Variants in PFKFB4 observed in about 807,000 individuals in gnomAD.
PFKFB4 encodes the protein 6-phosphofructo-2-kinase/fructose-2,6-biphosphatase 4, also known as 6-phosphofructo-2-kinase/fructose-2,6-bisphosphatase 4.
PFKFB4 carries 42 observed loss-of-function variants against 62.8 expected under a neutral mutation model. The observed-to-expected ratio is 0.67, with a 90% CI of 0.52 to 0.86. The LOEUF (loss-of-function observed/expected upper bound fraction) is 0.86, where lower values mean the gene tolerates loss of function less well. Among genes scored for constraint, PFKFB4 ranks in the 40% least tolerant of loss-of-function variants. PFKFB4 has a pLI of 0.00. For missense variants in PFKFB4, 475 were observed against 627.2 expected (o/e 0.76, Z 2.59); for synonymous variants, 204 against 240.7 (o/e 0.85, Z 1.41).
At chr3:48,550,605 C>T (rs1318223028) in intron 1 of PFKFB4, among the ~76,000 whole-genome samples, 1 of 152,228 alleles carries the variant, frequency 6.6e-6, no homozygotes, top group Non-Finnish European at 1.5e-5. Context: ...AACACCCTGC[C>T]TCTGTCATCC....
intron 12 of PFKFB4, among the ~76,000 whole-genome samples, chr3:48,522,622 A>T (rs144192913): frequency 3.9e-5 from 6 of 152,326 alleles, no homozygotes; most frequent in African/African-American, 1.4e-4. Flanking sequence ...TGCACCCAGA[A>T]TAAAGTCCAG....
chr3:48,551,214 CTTTTTTTTTTT>C (rs773561800), intron 1 of PFKFB4, among the ~76,000 whole-genome samples: 1 of 135,090 alleles, frequency 7.4e-6, no homozygotes, highest in Non-Finnish European at 1.6e-5. Context: ...GCTCACTTTT[CTTTTTTTTTTT>C]TTTTTTTTGA....
upstream of PFKFB4, chr3:48,562,065 C>A (rs1210212294): frequency 6.6e-6 from 1 of 152,308 alleles, no homozygotes; most frequent in Admixed American, 6.5e-5. The surrounding 1 kb of genome is among the most constrained non-coding windows in gnomAD (Gnocchi z 4.3). Context: ...CCTCTCAGAC[C>A]CCTCACGTAC....
rs199574159 is a variant in PFKFB4 at position 48,534,180 on chromosome 3, G to GA, written c.987+1331dup. ...AACTATCTAAATTAAAGCTCGGAAGGAAAAAAAGACAGAGAAGAAATGAAC... is the reference window on the plus strand; with the variant it reads ...AACTATCTAAATTAAAGCTCGGAAGGAAAAAAAAGACAGAGAAGAAATGAAC... On this transcript the variant is annotated intron_variant, in intron 9 of 13. Coordinates refer to ENST00000232375, the MANE Select transcript of PFKFB4 (RefSeq NM_004567.4). 4.4e-3 allele frequency among the ~76,000 whole-genome samples: 675 copies of GA among 151,960 alleles called. 4 individuals are homozygous for GA. Among genetic ancestry groups the GA allele is most frequent in the African/African-American group, 0.015 (627 of 41,470 alleles).
chr3:48,559,565 C>A (rs1224818837), upstream of PFKFB4: 1 of 457,148 alleles, frequency 2.2e-6, no homozygotes, highest in East Asian at 6.9e-5. Flanking sequence ...CGTCTGCTCT[C>A]TCAGCATCAG....
intron 9 of PFKFB4, among the ~76,000 whole-genome samples, chr3:48,533,328 C>T (rs997284245): frequency 3.3e-5 from 5 of 152,048 alleles, no homozygotes; most frequent in East Asian, 1.9e-4. Flanking sequence ...ACTCCTGAAA[C>T]GTACACTTCA....
chr3:48,562,954 A>G (rs1460833468), upstream of PFKFB4: 1 of 1,605,396 alleles, frequency 6.2e-7, no homozygotes, highest in Non-Finnish European at 8.5e-7. This position sits in a 1 kb window ranked among gnomAD's most constrained non-coding sequence, Gnocchi z 4.3. Context: ...GGCTCTGGGC[A>G]GCCCACGGCC....
At position 48,521,596 on chromosome 3, in the gene PFKFB4, C is replaced by T. The variant is rs540425276; in HGVS notation, c.1350+390G>A. Among the ~76,000 whole-genome samples, 1 of 152,290 alleles carries T rather than the reference C, an allele frequency of 6.6e-6. No individual in the cohort carries two copies. Among genetic ancestry groups the T allele is most frequent in the African/African-American group, 2.4e-5 (1 of 41,558 alleles). The stretch of plus-strand genomic sequence containing the variant: ...GGGAGTGGGAAGAGTGCCCACCTGC[C>T]CTCAGAAGGCCAGAAGCCTCATTCT... On this transcript the variant is annotated intron_variant, in intron 13 of 13. Transcript: ENST00000232375. The surrounding 1 kb of genome is among the most constrained non-coding windows in gnomAD (Gnocchi z 5.3).
rs549201049 is a variant in PFKFB4, at chr3:48,521,244, C to T, written c.1350+742G>A. ...ATGACTGAGGCCCAAGAGCCTTCTC[C>T]GTGCAGTGGCCTCCAGGAACTGGGA... On this transcript the variant is annotated intron_variant, in intron 13 of 13. Transcript: ENST00000232375. This position sits in a 1 kb window ranked among gnomAD's most constrained non-coding sequence, Gnocchi z 5.3. Among the ~76,000 whole-genome samples, 9 of 152,298 alleles carry T rather than the reference C, an allele frequency of 5.9e-5. No individual in the cohort carries two copies. The highest frequency in any genetic ancestry group is 4.1e-4 in the South Asian group (2 of 4,828).
upstream of PFKFB4, among the ~76,000 whole-genome samples, chr3:48,557,189 C>T (rs1011483081): frequency 3.3e-5 from 5 of 152,254 alleles, no homozygotes; most frequent in Non-Finnish European, 4.4e-5. Flanking sequence ...GCGCTGCATC[C>T]CTGAGCAGCG....
Position 48,519,555 on chromosome 3 carries a change from C to T in PFKFB4, c.*192G>A, listed in dbSNP as rs930700186. 23 of 583,182 alleles carry T rather than the reference C, an allele frequency of 3.9e-5. No homozygotes were observed. The highest frequency in any genetic ancestry group is 2.8e-4 in the East Asian group (10 of 35,434). 36.1% of individuals were successfully genotyped at this position (583,182 alleles called of 1,614,324 possible). A position where few individuals can be genotyped will look rare whatever the true frequency, so the allele number is the denominator to read the frequency against. On this transcript the variant is annotated 3_prime_UTR_variant, in exon 14 of 14. Transcript: ENST00000232375. ...ACTCTTAGCAGCAGGTCAGGAGCCA[C>T]GCACAACCTTGTCGCCGACTGTCAA...
Position 48,521,930 on chromosome 3 carries a change from C to T in PFKFB4, c.1350+56G>A. 2.1e-6 allele frequency: 3 copies of T among 1,435,508 alleles called. No individual in the cohort carries two copies. In the Admixed American group the frequency reaches 5.0e-5, roughly 24 times the overall value. The allele number at this position is 1,435,508 out of a possible 1,614,324, so 88.9% of individuals were successfully genotyped here. On this transcript the variant is annotated intron_variant, in intron 13 of 13. Transcript: ENST00000232375. This position sits in a 1 kb window ranked among gnomAD's most constrained non-coding sequence, Gnocchi z 5.3. The stretch of plus-strand genomic sequence containing the variant: ...GGCCTGGCCCTGGAGGATGTGCAGT[C>T]TGGACACCCCCACATCAGGAACACC...
chr3:48,536,160 G>T, intron 8 of PFKFB4, 96 bp downstream of exon 8: 6 of 1,007,224 alleles, frequency 6.0e-6, no homozygotes, highest in East Asian at 2.4e-5. Flanking sequence ...TTAAAAGAAT[G>T]GGAGCCTAGC....
upstream of PFKFB4, chr3:48,559,839 A>C: frequency 6.2e-6 from 2 of 323,152 alleles, no homozygotes; most frequent in Non-Finnish European, 6.1e-6. Flanking sequence ...TCAAAGCTCA[A>C]ACTCTTCCCA....
upstream of PFKFB4, chr3:48,562,755 G>C: frequency 6.6e-7 from 1 of 1,511,492 alleles, no homozygotes. The surrounding 1 kb of genome is among the most constrained non-coding windows in gnomAD (Gnocchi z 4.3). Context: ...CATCCAGGGT[G>C]GCCCTATCAC....
intron 1 of PFKFB4, among the ~76,000 whole-genome samples, chr3:48,554,394 C>T (rs1430371904): frequency 6.6e-6 from 1 of 152,186 alleles, no homozygotes; most frequent in Admixed American, 6.5e-5. Flanking sequence ...ACCCTGAGGC[C>T]CAAATCCCCA....
intron 10 of PFKFB4, among the ~76,000 whole-genome samples, chr3:48,524,107 G>C (rs930102688): frequency 2.0e-5 from 3 of 152,220 alleles, no homozygotes; most frequent in Non-Finnish European, 2.9e-5. Flanking sequence ...CACCCATGGG[G>C]CTCTGCACTG....
chr3:48,531,298 GA>G (rs763963766), intron 9 of PFKFB4, among the ~76,000 whole-genome samples: 35 of 151,912 alleles, frequency 2.3e-4, no homozygotes, highest in Non-Finnish European at 4.4e-4. Context: ...AGGAGTTCAA[GA>G]CCAGCCTGAC....
In PFKFB4 at chr3:48,519,770, C is replaced by T; in HGVS notation, c.1387G>A (p.Val463Ile). The T allele has an allele frequency of 6.2e-7, 1 of 1,613,818 alleles. No homozygotes were observed. ...GGTCACTGGTGAGCAGGCACCGTGA[C>T]AAGGGCTTCCTCTGGAGGTCTTGAG... Reference protein sequence around the residue: ...DISRPPEEALVTVPAHQ With the variant: ...DISRPPEEALITVPAHQ Residue 463 changes from valine to isoleucine, a missense_variant, in exon 14 of 14, where the codon GTC (valine) becomes ATC (isoleucine). Coordinates refer to ENST00000232375, the MANE Select transcript of PFKFB4 (RefSeq NM_004567.4).
Sources: allele counts gnomAD v4.1 joint callset (sites outside exome capture counted in the v4.1 genomes callset), GRCh38; gene constraint gnomAD v4.1.1; non-coding constraint Gnocchi (gnomAD v3.1); transcripts MANE v1.5; gene names NCBI Gene and HGNC (gene_info 2026-07-23, HGNC 2026-07-21).